Variants in CLPP observed in about 807,000 individuals in gnomAD.
The protein encoded by CLPP is caseinolytic mitochondrial matrix peptidase proteolytic subunit, also known as ATP-dependent Clp protease proteolytic subunit, mitochondrial.
CLPP carries 14 observed loss-of-function variants against 27.4 expected under a neutral mutation model. The observed-to-expected ratio is 0.51, with a 90% CI of 0.34 to 0.80. The LOEUF is 0.80. CLPP is among the 30% of genes least tolerant of loss of function. The probability of loss-of-function intolerance (pLI) is 0.02; values close to 1 mark genes in which losing one functional copy is unlikely to be tolerated. For missense variants in CLPP, 361 were observed against 403.6 expected (o/e 0.89, Z 0.90); for synonymous variants, 193 against 166.6 (o/e 1.16, Z -1.22).
At chr19:6,364,248 T>A (rs1301148905) in intron 3 of CLPP, among the ~76,000 whole-genome samples, 1 of 151,938 alleles carries the variant, frequency 6.6e-6, no homozygotes, top group Admixed American at 6.6e-5. Flanking sequence ...GCCAGGATGG[T>A]CTTGATTTCC....
Position 6,361,662 on chromosome 19 carries a change from G to A in CLPP, c.88G>A (p.Ala30Thr). ...GCCTCGCCTCGCCGCTCACTTTCCA[G>A]CGCAGCGGCCGCCGCAGCGGACACT... ...LGPRLAAHFP[A>T]QRPPQRTLQN... Residue 30 changes from alanine to threonine, a missense_variant, in exon 1 of 6, where the codon GCG (alanine) becomes ACG (threonine). By Grantham distance (58) the Ala-to-Thr change is moderately conservative (BLOSUM62 0). Coordinates refer to ENST00000245816, the MANE Select transcript of CLPP (RefSeq NM_006012.4). The A allele has an allele frequency of 7.0e-7, 1 of 1,430,606 alleles. No individual in the cohort carries two copies. Among genetic ancestry groups the A allele is most frequent in the Non-Finnish European group, 9.1e-7 (1 of 1,093,152 alleles). 88.6% of individuals were successfully genotyped at this position (1,430,606 alleles called of 1,614,324 possible). A position where few individuals can be genotyped will look rare whatever the true frequency, so the allele number is the denominator to read the frequency against.
rs1048658153 is a variant in CLPP at position 6,367,323 on chromosome 19, C to T, written c.661+960C>T. Among the ~76,000 whole-genome samples, 14 of 142,674 alleles carry T rather than the reference C, an allele frequency of 9.8e-5. No individual in the cohort carries two copies. The East Asian group carries it at 2.7e-3, about 28-fold the overall frequency. The allele number at this position is 142,674 out of a possible 152,430, so 93.6% of individuals were successfully genotyped here. On this transcript the variant is annotated intron_variant, in intron 5 of 5. Transcript: ENST00000245816. ...CTGAGAGGCGGAGGTTGTAGTGAGTCGAGATTGCACCACTGCACTCCAGCC... is the reference window on the plus strand; with the variant it reads ...CTGAGAGGCGGAGGTTGTAGTGAGTTGAGATTGCACCACTGCACTCCAGCC...
chr19:6,369,504 C>T lies in CLPP; in HGVS notation c.*794C>T, dbSNP rs1013879991. ...TTTTTATGGGGTAATCAGGGAAGCC[C>T]TCACTGAGAAGGTGGTGGTTGAGCA... On this transcript the variant is annotated 3_prime_UTR_variant, in exon 6 of 6. Coordinates refer to ENST00000245816, the MANE Select transcript of CLPP (RefSeq NM_006012.4). 2.0e-5 allele frequency among the ~76,000 whole-genome samples: 3 copies of T among 151,776 alleles called. No individual in the cohort carries two copies. Among genetic ancestry groups the T allele is most frequent in the Non-Finnish European group, 2.9e-5 (2 of 67,992 alleles).
chr19:6,363,539 G>A lies in CLPP; in HGVS notation c.368-913G>A, dbSNP rs538279883. On this transcript the variant is annotated intron_variant, in intron 3 of 5. Coordinates refer to ENST00000245816, the MANE Select transcript of CLPP (RefSeq NM_006012.4). Reference sequence around the variant, plus strand: ...TCTGCCTTTTGCCTGCACCTGGGCCGTGTCACTTGTTTTTGTCACCTCCCA... The same window carrying A: ...TCTGCCTTTTGCCTGCACCTGGGCCATGTCACTTGTTTTTGTCACCTCCCA... Among the ~76,000 whole-genome samples the A allele has an allele frequency of 2.6e-4, 40 of 152,252 alleles. No homozygotes were observed. In the East Asian group the frequency reaches 6.2e-3, roughly 24 times the overall value.
In CLPP at chr19:6,361,663, C is replaced by T. The variant is rs747403089; in HGVS notation, c.89C>T (p.Ala30Val). The T allele has an allele frequency of 3.5e-6, 5 of 1,434,972 alleles. No homozygotes were observed. Among genetic ancestry groups the T allele is most frequent in the Non-Finnish European group, 4.6e-6 (5 of 1,095,632 alleles). The allele number at this position is 1,434,972 out of a possible 1,614,324, so 88.9% of individuals were successfully genotyped here. ...CCTCGCCTCGCCGCTCACTTTCCAG[C>T]GCAGCGGCCGCCGCAGCGGACACTC... ...LGPRLAAHFP[A>V]QRPPQRTLQN... The change falls in exon 1 of 6, where the codon GCG becomes GTG. Residue 30 changes from alanine to valine, a missense_variant. Coordinates refer to ENST00000245816, the MANE Select transcript of CLPP (RefSeq NM_006012.4).
Position 6,369,404 on chromosome 19 carries a change from G to A in CLPP, c.*694G>A, listed in dbSNP as rs1173172478. On this transcript the variant is annotated 3_prime_UTR_variant, in exon 6 of 6. Coordinates refer to ENST00000245816, the MANE Select transcript of CLPP (RefSeq NM_006012.4). ...CCCTTTAGCCTGGGCAACAGAGCAA[G>A]GCTCTGTCTCAAAAAAAAAAAAAAA... 1.4e-5 allele frequency among the ~76,000 whole-genome samples: 2 copies of A among 146,034 alleles called. No homozygotes were observed. The highest frequency in any genetic ancestry group is 3.0e-5 in the Non-Finnish European group (2 of 67,660).
At chr19:6,361,802 G>A in intron 1 of CLPP, 30 bp downstream of exon 1, 1 of 1,572,190 alleles carries the variant, frequency 6.4e-7, no homozygotes, top group Non-Finnish European at 8.6e-7. Context: ...ACACGGTTCG[G>A]GGGCTCCGGG....
chr19:6,362,581 A>G (rs757123095), intron 3 of CLPP, 39 bp downstream of exon 3: 1 of 1,393,562 alleles, frequency 7.2e-7, no homozygotes, highest in Non-Finnish European at 1.0e-6. Context: ...GGCACTCGTC[A>G]GGGCACACGG....
At chr19:6,366,813 T>C (rs2091864851) in intron 5 of CLPP, among the ~76,000 whole-genome samples, 2 of 151,928 alleles carry the variant, frequency 1.3e-5, no homozygotes, top group Non-Finnish European at 2.9e-5. Context: ...TAATTTTTTG[T>C]AGAGACGTGG....
rs143875178 is a variant in CLPP at position 6,366,653 on chromosome 19, T to G, written c.661+290T>G. Among the ~76,000 whole-genome samples, 747 of 152,196 alleles carry G rather than the reference T, an allele frequency of 4.9e-3. 5 individuals carry two copies. The highest frequency in any genetic ancestry group is 0.016 in the African/African-American group (660 of 41,562). ...AGCTAATTTTTTTGTTTGTTTGTTT[T>G]TTTGAGACAAGGTCTGGCTCTGTCG... is the stretch of plus-strand genomic sequence containing the variant. On this transcript the variant is annotated intron_variant, in intron 5 of 5. Transcript: ENST00000245816.
At position 6,361,895 on chromosome 19, in the gene CLPP, C is replaced by T. The variant is rs761702892; in HGVS notation, c.225C>T (p.Ile75=). ...GTCGCGGCGAGCGCGCCTATGACAT[C>T]TACTCGCGGCTGCTGCGGGAGCGCA... ...QTGRGERAYD[I]YSRLLRERIV... is the part of the protein sequence containing the mutation. Residue 75 remains isoleucine (I), a synonymous_variant, in exon 2 of 6, where the codon ATC becomes ATT. Transcript: ENST00000245816. 56 of 1,598,856 alleles carry T rather than the reference C, an allele frequency of 3.5e-5. No individual in the cohort carries two copies. The highest frequency in any genetic ancestry group is 4.5e-5 in the Non-Finnish European group (53 of 1,179,494).
chr19:6,363,117 A>T (rs1166530741), intron 3 of CLPP, among the ~76,000 whole-genome samples: 1 of 144,854 alleles, frequency 6.9e-6, no homozygotes, highest in Non-Finnish European at 1.5e-5. Flanking sequence ...AGCACTTATG[A>T]TGGAGGCATT....
At chr19:6,368,112 A>G (rs1303222547) in intron 5 of CLPP, among the ~76,000 whole-genome samples, 1 of 152,194 alleles carries the variant, frequency 6.6e-6, no homozygotes, top group Non-Finnish European at 1.5e-5. Context: ...CAGAATGAGG[A>G]CATGTCTCAG....
At chr19:6,366,664 G>C (rs1387317511) in intron 5 of CLPP, among the ~76,000 whole-genome samples, 1 of 152,040 alleles carries the variant, frequency 6.6e-6, no homozygotes, top group Non-Finnish European at 1.5e-5. Context: ...TTTGAGACAA[G>C]GTCTGGCTCT....
In CLPP at chr19:6,368,647, G is replaced by T; in HGVS notation, c.771G>T (p.Thr257=). The change falls in exon 6 of 6, where the codon ACG becomes ACT. Residue 257 remains threonine, a synonymous_variant. Coordinates refer to ENST00000245816, the MANE Select transcript of CLPP (RefSeq NM_006012.4). ...HPPQDGEDEP[T]LVQKEPVEAA... Reference sequence around the variant, plus strand: ...CCCAGGACGGTGAGGATGAGCCCACGCTGGTGCAGAAGGAGCCTGTAGAAG... The same window carrying T: ...CCCAGGACGGTGAGGATGAGCCCACTCTGGTGCAGAAGGAGCCTGTAGAAG... The T allele has an allele frequency of 6.2e-7, 1 of 1,603,338 alleles. No homozygotes were observed. The highest frequency in any genetic ancestry group is 1.1e-5 in the South Asian group (1 of 89,406).
intron 2 of CLPP, chr19:6,362,178 C>G (rs2091838432): frequency 3.3e-6 from 2 of 601,742 alleles, no homozygotes; most frequent in Non-Finnish European, 5.9e-6. Flanking sequence ...CCGCTCCCCT[C>G]ATTCCTACGC....
intron 3 of CLPP, 58 bp downstream of exon 3, chr19:6,362,600 G>T: frequency 8.5e-7 from 1 of 1,181,968 alleles, no homozygotes; most frequent in South Asian, 1.2e-5. Flanking sequence ...GGGTGACTCA[G>T]GGGACCAGAA....
intron 5 of CLPP, among the ~76,000 whole-genome samples, chr19:6,367,096 G>T (rs1295134732): frequency 6.6e-6 from 1 of 151,916 alleles, no homozygotes; most frequent in Non-Finnish European, 1.5e-5. Flanking sequence ...AAAAATTTTA[G>T]CTGGGCACCA....
At chr19:6,365,833 G>A (rs1187523414) in intron 4 of CLPP, among the ~76,000 whole-genome samples, 2 of 141,040 alleles carry the variant, frequency 1.4e-5, no homozygotes, top group Non-Finnish European at 3.1e-5. Context: ...AAAAAAAAAG[G>A]CGGCCAGGCA....
Sources: allele counts gnomAD v4.1 joint callset (sites outside exome capture counted in the v4.1 genomes callset), GRCh38; gene constraint gnomAD v4.1.1; transcripts MANE v1.5; gene names NCBI Gene and HGNC (gene_info 2026-07-23, HGNC 2026-07-21).